The following SVEP1 variants were observed in gnomAD, a reference collection of about 807,000 sequenced individuals.
SVEP1 encodes the protein sushi, von Willebrand factor type A, EGF and pentraxin domain-containing protein 1.
A neutral mutation model predicts 367.3 loss-of-function variants in SVEP1; 164 were observed. That is an observed-to-expected ratio of 0.45 (90% CI 0.39 to 0.51). The LOEUF is 0.51. Ranked by LOEUF, SVEP1 falls within the 20% of genes least tolerant of loss-of-function variation. The pLI is 0.00. For missense variants in SVEP1, 4,117 were observed against 4,425.3 expected, an observed-to-expected ratio of 0.93 and a Z score of 1.98; for synonymous variants, 1,666 against 1,611.6, an observed-to-expected ratio of 1.03 and a Z score of -0.81.
intron 43 of SVEP1, among the ~76,000 whole-genome samples, chr9:110,385,603 C>CT (rs1422074212): frequency 6.6e-6 from 1 of 152,192 alleles, no homozygotes; most frequent in Non-Finnish European, 1.5e-5. Flanking sequence ...TTTGGGGACT[C>CT]TGACAGTGTG....
At chr9:110,504,590 C>A (rs148289350) in intron 5 of SVEP1, among the ~76,000 whole-genome samples, 11 of 152,304 alleles carry the variant, frequency 7.2e-5, no homozygotes, top group African/African-American at 2.4e-4. Context: ...CTTTGGATTA[C>A]CTACTTCTGT....
intron 1 of SVEP1, 49 bp downstream of exon 1, chr9:110,578,964 C>T: frequency 6.5e-7 from 1 of 1,532,826 alleles, no homozygotes; most frequent in East Asian, 2.5e-5. Context: ...AGCGGTGGGT[C>T]GAAGGGCCCG....
chr9:110,499,303 T>G, intron 6 of SVEP1, 65 bp from the exon 7 acceptor site: 1 of 1,456,874 alleles, frequency 6.9e-7, no homozygotes, highest in South Asian at 1.3e-5. Flanking sequence ...CATGGATTCT[T>G]TTTACTCAAG....
chr9:110,432,132 CACA>C (rs754634684), intron 31 of SVEP1, 98 bp from the exon 32 acceptor site: 31 of 1,222,380 alleles, frequency 2.5e-5, no homozygotes, highest in Non-Finnish European at 3.3e-5. Context: ...TCACGTAATG[CACA>C]ACACTTCATA....
At position 110,466,042 on chromosome 9, in the gene SVEP1, T is replaced by G; in HGVS notation, c.3161-16A>C. ...TTACACTGAGCTGAAAAGAAAAAGG[T>G]AATATTACTATCAATAATGATATTA... On this transcript the variant is annotated splice_polypyrimidine_tract_variant and intron_variant, in intron 17 of 47. Transcript: ENST00000374469. 2 of 1,606,176 alleles carry G rather than the reference T, an allele frequency of 1.2e-6. No individual in the cohort carries two copies. The highest frequency in any genetic ancestry group is 1.7e-6 in the Non-Finnish European group (2 of 1,174,442).
Position 110,423,184 on chromosome 9 carries a change from GAA to G in SVEP1, c.5975+4405_5975+4406del, listed in dbSNP as rs1404736217. Reference sequence around the variant, plus strand: ...AAAATAAAGTAAAAAAAAAAAAAAAGAAAAAAAAAAGAAAAATTGTCAATGTA... The same window carrying G: ...AAAATAAAGTAAAAAAAAAAAAAAAGAAAAAAAAGAAAAATTGTCAATGTA... On this transcript the variant is annotated intron_variant, in intron 36 of 47. Coordinates refer to ENST00000374469, the MANE Select transcript of SVEP1 (RefSeq NM_153366.4). 3.3e-5 allele frequency among the ~76,000 whole-genome samples: 3 copies of G among 91,030 alleles called. No homozygotes were observed. The East Asian group carries it at 9.3e-4, about 28-fold the overall frequency. The allele number at this position is 91,030 out of a possible 152,430, so 59.7% of individuals were successfully genotyped here.
rs1210805058 is a variant in SVEP1 at position 110,528,365 on chromosome 9, CT to C, written c.965-14260del. Among the ~76,000 whole-genome samples the C allele has an allele frequency of 3.4e-4, 51 of 151,388 alleles. 3 individuals are homozygous for C. The Middle Eastern group carries it at 0.014, about 41-fold the overall frequency. ...GAATGAATGGCAGATCCACTTTTAG[CT>C]TTTTGATAAATCTCCATACTGTTTT... On this transcript the variant is annotated intron_variant, in intron 3 of 47. Coordinates refer to ENST00000374469, the MANE Select transcript of SVEP1 (RefSeq NM_153366.4).
intron 33 of SVEP1, 83 bp downstream of exon 33, chr9:110,430,191 T>C: frequency 7.1e-7 from 1 of 1,415,322 alleles, no homozygotes; most frequent in Non-Finnish European, 9.5e-7. Context: ...AGAACATTGA[T>C]ACAACATAAC....
At chr9:110,468,284 GAA>G (rs1018505011) in intron 17 of SVEP1, among the ~76,000 whole-genome samples, 1 of 152,104 alleles carries the variant, frequency 6.6e-6, no homozygotes, top group Non-Finnish European at 1.5e-5. Context: ...TTAAAAGAAA[GAA>G]AAAATAAATA....
Position 110,499,283 on chromosome 9 carries a change from T to C in SVEP1, c.1484-45A>G, listed in dbSNP as rs372232154. 3.2e-5 allele frequency: 49 copies of C among 1,550,932 alleles called. 1 individual carries two copies. The highest frequency in any genetic ancestry group is 2.3e-4 in the East Asian group (10 of 44,176). ...AGAATGTTATTTGTGTTCCCACAAA[T>C]TGGAAATGCCATGGATTCTTTTTAC... is the stretch of plus-strand genomic sequence containing the variant. On this transcript the variant is annotated intron_variant, in intron 6 of 47. Transcript: ENST00000374469.
At chr9:110,437,787 A>T (rs535935891) in intron 27 of SVEP1, among the ~76,000 whole-genome samples, 1 of 151,900 alleles carries the variant, frequency 6.6e-6, no homozygotes, top group South Asian at 2.1e-4. Flanking sequence ...TCCCTCACCC[A>T]CTTCTCACCC....
At position 110,406,171 on chromosome 9, in the gene SVEP1, T is replaced by C. The variant is rs74536350; in HGVS notation, c.9429A>G (p.Glu3143=). Residue 3143 remains glutamate, a synonymous_variant, in exon 38 of 48, where the codon GAA becomes GAG. Coordinates refer to ENST00000374469, the MANE Select transcript of SVEP1 (RefSeq NM_153366.4). ...ATGEAHTYES[E]VKLRCLEGYT... ...AGCCATGATCTTACCTGAGTTTCAC[T>C]TCACTTTCATAGGTGTGTGCCTCTC... The C allele has an allele frequency of 1.3e-3, 1,983 of 1,565,416 alleles. 24 individuals carry two copies. The African/African-American group carries it at 0.024, about 19-fold the overall frequency.
chr9:110,473,370 T>G, intron 14 of SVEP1, among the ~76,000 whole-genome samples: 1 of 152,148 alleles, frequency 6.6e-6, no homozygotes, highest in East Asian at 1.9e-4. Flanking sequence ...ACCATGAACA[T>G]TTTAGGCAAG....
At chr9:110,514,513 C>CAAAAAAAA in intron 3 of SVEP1, among the ~76,000 whole-genome samples, 1 of 109,430 alleles carries the variant, frequency 9.1e-6, no homozygotes, top group Non-Finnish European at 1.9e-5. Flanking sequence ...AACTCCATCT[C>CAAAAAAAA]AAAAAAAAAA....
intron 22 of SVEP1, among the ~76,000 whole-genome samples, chr9:110,452,218 C>T (rs936175513): frequency 9.2e-5 from 14 of 152,134 alleles, no homozygotes; most frequent in Non-Finnish European, 1.9e-4. Context: ...CCATTATGAA[C>T]ACTTGTTTTT....
intron 5 of SVEP1, among the ~76,000 whole-genome samples, chr9:110,503,585 A>T (rs1489638921): frequency 1.3e-5 from 2 of 152,214 alleles, no homozygotes; most frequent in Admixed American, 6.5e-5. Flanking sequence ...ACATTACAAC[A>T]AAAGGAAGTG....
chr9:110,489,966 C>T (rs4399003), intron 8 of SVEP1, among the ~76,000 whole-genome samples, 187 bp from the exon 9 acceptor site: 9,511 of 152,258 alleles, frequency 0.062, 414 homozygotes, highest in Non-Finnish European at 0.087. Flanking sequence ...AATTGGCACA[C>T]ATATGAAATA....
In SVEP1 at chr9:110,430,390, T is replaced by C; in HGVS notation, c.5414A>G (p.Tyr1805Cys). 6.2e-7 allele frequency: 1 copy of C among 1,613,374 alleles called. No homozygotes were observed. Among genetic ancestry groups the C allele is most frequent in the Non-Finnish European group, 8.5e-7 (1 of 1,179,662 alleles). The change falls in exon 33 of 48, where the codon TAT becomes TGT. Residue 1805 changes from tyrosine to cysteine, a missense_variant. Tyr to Cys is a radical substitution (Grantham distance 194). Transcript: ENST00000374469. ...AAATGTGACTTCGGCACCTACTGTA[T>C]AAATCTCACCTGAGGAGTGGCCATT... ...PENGHSSGEI[Y>C]TVGAEVTFSC...
intron 1 of SVEP1, among the ~76,000 whole-genome samples, chr9:110,555,834 T>C (rs572579928): frequency 6.6e-6 from 1 of 152,318 alleles, no homozygotes; most frequent in African/African-American, 2.4e-5. Context: ...TCTTTGTGCT[T>C]CATCGTACTT....
Sources: gnomAD v4.1 joint callset for allele counts (sites outside exome capture counted in the v4.1 genomes callset) on GRCh38, gnomAD v4.1.1 for gene constraint, MANE v1.5 for transcripts, NCBI Gene and HGNC (gene_info 2026-07-23, HGNC 2026-07-21) for gene names.